NPAS3: variants seen among roughly 807,000 people sequenced by gnomAD.
NPAS3 encodes neuronal PAS domain protein 3.
A neutral mutation model predicts 73.1 loss-of-function variants in NPAS3; 14 were observed. The observed-to-expected ratio is 0.19, with a 90% CI of 0.13 to 0.30. NPAS3 has a LOEUF of 0.30. NPAS3 is among the 10% of genes least tolerant of loss of function. The pLI, the probability that NPAS3 is intolerant of heterozygous loss-of-function variation, is 1.00. For synonymous variants in NPAS3, 620 were observed against 541.5 expected, an observed-to-expected ratio of 1.14 and a Z score of -2.01; for missense variants, 1,096 against 1,250.0, an observed-to-expected ratio of 0.88 and a Z score of 1.86.
intron 5 of NPAS3, among the ~76,000 whole-genome samples, chr14:33,646,973 G>A (rs1268669665): frequency 6.6e-6 from 1 of 152,146 alleles, no homozygotes; most frequent in East Asian, 1.9e-4. Context: ...AGGAGATAGT[G>A]TTTCACAGTA....
At position 33,582,970 on chromosome 14, in the gene NPAS3, G is replaced by GTTTTTTTTTTTTTTTTTTTTT. The variant is rs55885070; in HGVS notation, c.558+22776_558+22777insTTTTTTTTTTTTTTTTTTTTT. Among the ~76,000 whole-genome samples the GTTTTTTTTTTTTTTTTTTTTT allele has an allele frequency of 6.8e-4, 63 of 93,280 alleles. 3 individuals are homozygous for GTTTTTTTTTTTTTTTTTTTTT. The highest frequency in any genetic ancestry group is 1.6e-3 in the African/African-American group (20 of 12,782). 61.2% of individuals were successfully genotyped at this position (93,280 alleles called of 152,430 possible). ...TCCTTTGGACCTAGATATTTAAAGG[G>GTTTTTTTTTTTTTTTTTTTTT]TTTTTTTTTTTTTTTTGGCTACTGG... On this transcript the variant is annotated intron_variant, in intron 5 of 11. Coordinates refer to ENST00000356141, the Ensembl canonical transcript of NPAS3.
At chr14:33,392,017 T>C (rs2047030270) in intron 4 of NPAS3, among the ~76,000 whole-genome samples, 1 of 152,176 alleles carries the variant, frequency 6.6e-6, no homozygotes. Flanking sequence ...GATTTTCAGA[T>C]GATAGTTGAC....
At chr14:33,084,102 G>A (rs546390498) in intron 2 of NPAS3, among the ~76,000 whole-genome samples, 1 of 152,260 alleles carries the variant, frequency 6.6e-6, no homozygotes, top group Non-Finnish European at 1.5e-5. Context: ...GGGGTCTTTG[G>A]TGTAATCACA....
chr14:33,171,941 A>AT (rs1297931296), intron 2 of NPAS3, among the ~76,000 whole-genome samples: 1 of 152,074 alleles, frequency 6.6e-6, no homozygotes, highest in Non-Finnish European at 1.5e-5. Context: ...TAGTTTTAAT[A>AT]TTTTTATGTC....
intron 1 of NPAS3, among the ~76,000 whole-genome samples, chr14:33,001,356 G>A (rs1037629651): frequency 7.2e-5 from 11 of 152,314 alleles, no homozygotes; most frequent in East Asian, 1.9e-4. Flanking sequence ...GAAAGGTAAT[G>A]TAGGTGGGTG....
intron 1 of NPAS3, among the ~76,000 whole-genome samples, chr14:32,997,332 C>G (rs2038619235): frequency 6.6e-6 from 1 of 152,062 alleles, no homozygotes; most frequent in Non-Finnish European, 1.5e-5. Context: ...TGAGTTAATG[C>G]TGAAATGAGT....
At chr14:33,784,750 T>TTATTTATTTATTTTTA (rs1555333514) in intron 9 of NPAS3, among the ~76,000 whole-genome samples, 5 of 123,034 alleles carry the variant, frequency 4.1e-5, no homozygotes, top group East Asian at 2.4e-4. Flanking sequence ...TATTTATTTT[T>TTATTTATTTATTTTTA]TTTTTTTTTT....
At chr14:33,337,274 A>G (rs754785834) in intron 3 of NPAS3, among the ~76,000 whole-genome samples, 5 of 152,134 alleles carry the variant, frequency 3.3e-5, no homozygotes, top group Admixed American at 6.6e-5. Context: ...AAATTTACTC[A>G]AATGTCCATG....
intron 3 of NPAS3, among the ~76,000 whole-genome samples, chr14:33,260,525 C>T (rs1158922317): frequency 6.6e-6 from 1 of 152,170 alleles, no homozygotes; most frequent in African/African-American, 2.4e-5. Flanking sequence ...TAGATTGCCT[C>T]TTCAGTTTTC....
chr14:33,484,184 G>A (rs1462931846), intron 4 of NPAS3, among the ~76,000 whole-genome samples: 1 of 152,100 alleles, frequency 6.6e-6, no homozygotes, highest in Non-Finnish European at 1.5e-5. Context: ...GGCAATATGG[G>A]GATTATCATG....
At chr14:33,509,886 A>C (rs1400969686) in intron 4 of NPAS3, among the ~76,000 whole-genome samples, 1 of 152,160 alleles carries the variant, frequency 6.6e-6, no homozygotes. Context: ...AATTCAACTT[A>C]AGAGTTGTTG....
intron 3 of NPAS3, among the ~76,000 whole-genome samples, chr14:33,359,816 C>T (rs1055568893): frequency 5.3e-5 from 8 of 152,304 alleles, no homozygotes; most frequent in East Asian, 1.9e-4. Flanking sequence ...AGAGAGCTCA[C>T]GGTGTCTTTC....
At chr14:33,399,809 G>A (rs1041556833) in intron 4 of NPAS3, among the ~76,000 whole-genome samples, 1 of 152,004 alleles carries the variant, frequency 6.6e-6, no homozygotes, top group African/African-American at 2.4e-5. Flanking sequence ...AAGACAATAT[G>A]AGTAGTGTTT....
At chr14:33,212,276 A>T (rs193005674) in intron 2 of NPAS3, among the ~76,000 whole-genome samples, 2 of 152,318 alleles carry the variant, frequency 1.3e-5, no homozygotes, top group Non-Finnish European at 2.9e-5. Context: ...TACTTATTAC[A>T]GACACAGTGA....
intron 3 of NPAS3, among the ~76,000 whole-genome samples, chr14:33,252,670 A>C (rs2048632753): frequency 6.6e-6 from 1 of 151,424 alleles, no homozygotes; most frequent in Non-Finnish European, 1.5e-5. Context: ...TTCAGGGGGT[A>C]TATGTGCATG....
At chr14:33,465,114 T>G (rs1235497647) in intron 4 of NPAS3, among the ~76,000 whole-genome samples, 1 of 152,160 alleles carries the variant, frequency 6.6e-6, no homozygotes, top group African/African-American at 2.4e-5. Flanking sequence ...ACCAAACAAA[T>G]TATGTATTTG....
chr14:33,510,095 C>T (rs1422327459), intron 4 of NPAS3, among the ~76,000 whole-genome samples: 3 of 152,040 alleles, frequency 2.0e-5, no homozygotes, highest in Admixed American at 6.6e-5. Context: ...TCCTCCATAA[C>T]GGTCTTGCAA....
chr14:33,191,786 TGA>T, intron 2 of NPAS3, among the ~76,000 whole-genome samples: 1 of 152,374 alleles, frequency 6.6e-6, no homozygotes, highest in East Asian at 1.9e-4. Context: ...GAGATACTTA[TGA>T]GAGTGGCAGA....
At chr14:33,164,810 T>C (rs960114767) in intron 2 of NPAS3, among the ~76,000 whole-genome samples, 1 of 151,712 alleles carries the variant, frequency 6.6e-6, no homozygotes, top group African/African-American at 2.4e-5. Context: ...CAGAACCCCA[T>C]TGCTTCTCCT....
Sources: gnomAD v4.1 joint callset for allele counts (sites outside exome capture counted in the v4.1 genomes callset) on GRCh38, gnomAD v4.1.1 for gene constraint, MANE v1.5 for transcripts, NCBI Gene and HGNC (gene_info 2026-07-23, HGNC 2026-07-21) for gene names.